PPP2R2B: variants seen among roughly 807,000 people sequenced by gnomAD.
PPP2R2B encodes the protein serine/threonine-protein phosphatase 2A 55 kDa regulatory subunit B beta isoform.
A neutral mutation model predicts 46.0 loss-of-function variants in PPP2R2B; 5 were observed. That is an observed-to-expected ratio of 0.11 (90% CI 0.06 to 0.23). PPP2R2B has a LOEUF of 0.23. Among genes scored for constraint, PPP2R2B ranks in the 10% least tolerant of loss-of-function variants. The probability of loss-of-function intolerance (pLI) is 1.00; values close to 1 mark genes in which losing one functional copy is unlikely to be tolerated. For synonymous variants in PPP2R2B, 215 were observed against 206.7 expected, an observed-to-expected ratio of 1.04 and a Z score of -0.34; for missense variants, 367 against 575.0, an observed-to-expected ratio of 0.64 and a Z score of 3.70.
chr5:146,607,148 T>G (rs1337795387), intron 7 of PPP2R2B: 1 of 152,182 alleles, frequency 6.6e-6, no homozygotes, highest in Non-Finnish European at 1.5e-5. Context: ...CAGCCAGTAA[T>G]TTTTACTATA....
At chr5:146,953,418 T>C (rs752972592) in intron 1 of PPP2R2B, among the ~76,000 whole-genome samples, 99 of 152,078 alleles carry the variant, frequency 6.5e-4, no homozygotes, top group Non-Finnish European at 9.4e-4. Flanking sequence ...GCTCCAAACA[T>C]AGAAGTCACT....
intron 2 of PPP2R2B, among the ~76,000 whole-genome samples, chr5:146,842,885 T>TC (rs1303932004): frequency 1.2e-4 from 18 of 152,240 alleles, no homozygotes; most frequent in African/African-American, 3.6e-4. Flanking sequence ...CAGTTTTTTT[T>TC]CTGTTCTAAT....
At chr5:146,950,432 C>A (rs962073211) in intron 1 of PPP2R2B, among the ~76,000 whole-genome samples, 1 of 151,906 alleles carries the variant, frequency 6.6e-6, no homozygotes, top group African/African-American at 2.4e-5. Flanking sequence ...AAAATTATGT[C>A]ACATTTTTTA....
At chr5:147,078,523 C>T (rs914949569) in intron 2 of PPP2R2B, among the ~76,000 whole-genome samples, 5 of 152,120 alleles carry the variant, frequency 3.3e-5, no homozygotes, top group Admixed American at 6.5e-5. Flanking sequence ...CGCGGTGGCT[C>T]ACGCCTGTAA....
intron 2 of PPP2R2B, among the ~76,000 whole-genome samples, chr5:146,774,687 C>T: frequency 6.6e-6 from 1 of 151,834 alleles, no homozygotes; most frequent in East Asian, 1.9e-4. Context: ...CGTGGTGGTG[C>T]ATGCCAGTAG....
intron 2 of PPP2R2B, among the ~76,000 whole-genome samples, chr5:146,874,222 T>C (rs949510152): frequency 6.6e-6 from 1 of 152,232 alleles, no homozygotes; most frequent in African/African-American, 2.4e-5. Context: ...TTTGCTAGAT[T>C]GAAAGATCCC....
intron 1 of PPP2R2B, among the ~76,000 whole-genome samples, chr5:146,934,623 G>T (rs1225650339): frequency 2.7e-5 from 4 of 146,592 alleles, no homozygotes; most frequent in African/African-American, 7.6e-5. Flanking sequence ...GAACGTGTTT[G>T]GTGCCTGGGG....
At chr5:147,052,662 CT>C (rs1756886223) in intron 1 of PPP2R2B, among the ~76,000 whole-genome samples, 1 of 152,146 alleles carries the variant, frequency 6.6e-6, no homozygotes, top group Admixed American at 6.5e-5. Flanking sequence ...GCCTGTGTGT[CT>C]GGGGACCAGG....
At chr5:146,938,750 C>T (rs1372796462) in intron 1 of PPP2R2B, among the ~76,000 whole-genome samples, 4 of 123,888 alleles carry the variant, frequency 3.2e-5, no homozygotes, top group Non-Finnish European at 3.3e-5. Flanking sequence ...TAGATAATAG[C>T]CTTTTTTTTT....
chr5:146,658,285 G>A (rs142626429), intron 5 of PPP2R2B, among the ~76,000 whole-genome samples: 440 of 152,188 alleles, frequency 2.9e-3, no homozygotes, highest in Non-Finnish European at 5.0e-3. Flanking sequence ...GGCACTAGAC[G>A]GTAAATCTCT....
intron 2 of PPP2R2B, among the ~76,000 whole-genome samples, chr5:146,862,909 TTTCTAAGACTTATAGGAAAAA>T (rs1019718433): frequency 4.7e-5 from 7 of 150,122 alleles, no homozygotes; most frequent in Admixed American, 3.3e-4. Context: ...CAAATCCAAG[TTTCTAAGACTTATAGGAAAAA>T]TTCTGATCAG....
intron 1 of PPP2R2B, among the ~76,000 whole-genome samples, chr5:147,048,765 A>G (rs1374429493): frequency 6.6e-6 from 1 of 152,096 alleles, no homozygotes; most frequent in East Asian, 1.9e-4. Context: ...TAGTTTTGAA[A>G]CCCATTTCCC....
At chr5:146,756,983 G>GGAGAGTGGAGCTA (rs1455870990) in intron 2 of PPP2R2B, among the ~76,000 whole-genome samples, 1 of 152,184 alleles carries the variant, frequency 6.6e-6, no homozygotes, top group African/African-American at 2.4e-5. Flanking sequence ...GGTAGACAAT[G>GGAGAGTGGAGCTA]GAGAGTGGAG....
At chr5:146,813,480 A>G (rs1314893569) in intron 2 of PPP2R2B, among the ~76,000 whole-genome samples, 1 of 152,172 alleles carries the variant, frequency 6.6e-6, no homozygotes, top group Non-Finnish European at 1.5e-5. Context: ...AGTGGAAGCA[A>G]CGCTTAGAGG....
chr5:147,027,766 G>A (rs1189879483), intron 1 of PPP2R2B, among the ~76,000 whole-genome samples: 3 of 152,050 alleles, frequency 2.0e-5, no homozygotes, highest in Non-Finnish European at 2.9e-5. Context: ...GTATATATGT[G>A]TTAAAACTCC....
chr5:146,698,621 T>C (rs1779349387), intron 3 of PPP2R2B, among the ~76,000 whole-genome samples: 1 of 151,986 alleles, frequency 6.6e-6, no homozygotes, highest in Admixed American at 6.6e-5. Flanking sequence ...TCTCACCTGA[T>C]TCTCATGAAA....
At chr5:146,661,723 T>C (rs915190952) in intron 5 of PPP2R2B, among the ~76,000 whole-genome samples, 5 of 152,184 alleles carry the variant, frequency 3.3e-5, no homozygotes, top group Admixed American at 1.3e-4. Context: ...AACTCGCTAA[T>C]TACCAACTCA....
intron 5 of PPP2R2B, among the ~76,000 whole-genome samples, chr5:146,681,263 A>C (rs57335797): frequency 0.18 from 26,958 of 152,206 alleles, 2,891 homozygotes; most frequent in East Asian, 0.36. Flanking sequence ...GGATCTAGGC[A>C]TGTATTTTTG....
chr5:146,691,085 C>A (rs1039699093), intron 5 of PPP2R2B, 43 bp downstream of exon 5: 9 of 1,566,034 alleles, frequency 5.7e-6, no homozygotes, highest in Non-Finnish European at 6.1e-6. Flanking sequence ...CCTTAGGAGA[C>A]CTGCCCCTGA....
Sources: allele counts gnomAD v4.1 joint callset (sites outside exome capture counted in the v4.1 genomes callset), GRCh38; gene constraint gnomAD v4.1.1; transcripts MANE v1.5; gene names NCBI Gene and HGNC (gene_info 2026-07-23, HGNC 2026-07-21).